Variants in STX2 observed in about 807,000 individuals in gnomAD.
STX2 encodes the protein syntaxin 2.
A neutral mutation model predicts 40.6 loss-of-function variants in STX2; 27 were observed. The observed-to-expected ratio is 0.66, with a 90% CI of 0.49 to 0.92. STX2 has a LOEUF of 0.92. Ranked by LOEUF, STX2 falls within the 40% of genes least tolerant of loss-of-function variation. The probability of loss-of-function intolerance (pLI) is 0.00; values close to 1 mark genes in which losing one functional copy is unlikely to be tolerated. For missense variants in STX2, 328 were observed against 366.1 expected (o/e 0.90, Z 0.85); for synonymous variants, 123 against 119.1 (o/e 1.03, Z -0.22).
At position 130,795,545 on chromosome 12, in the gene STX2, C is replaced by T. The variant is rs576875643; in HGVS notation, c.*45+450G>A. 7.2e-5 allele frequency among the ~76,000 whole-genome samples: 11 copies of T among 152,172 alleles called. No homozygotes were observed. In the East Asian group the frequency reaches 2.1e-3, roughly 29 times the overall value. On this transcript the variant is annotated intron_variant, in intron 10 of 10. Coordinates refer to ENST00000392373, the MANE Select transcript of STX2 (RefSeq NM_194356.4). ...GCCAGGAATTCGAGACCAGCCTGGG[C>T]AATACAGAGAGTTCTCGTCTCTACT...
intron 1 of STX2, among the ~76,000 whole-genome samples, chr12:130,832,570 G>A (rs1343710300): frequency 6.6e-6 from 1 of 152,094 alleles, no homozygotes; most frequent in Non-Finnish European, 1.5e-5. Flanking sequence ...CTAATCTTGA[G>A]CTACCAAGGG....
At chr12:130,829,552 C>G (rs1476034025) in intron 1 of STX2, among the ~76,000 whole-genome samples, 1 of 152,100 alleles carries the variant, frequency 6.6e-6, no homozygotes, top group East Asian at 1.9e-4. Context: ...GTCCCACAGA[C>G]TCCCCTTGCG....
chr12:130,819,774 T>G (rs1056925069), intron 3 of STX2, among the ~76,000 whole-genome samples: 1 of 152,236 alleles, frequency 6.6e-6, no homozygotes, highest in African/African-American at 2.4e-5. Flanking sequence ...CTAGGAAGCC[T>G]TCTCAGAGCC....
chr12:130,839,248 C>G lies in STX2; in HGVS notation c.-149G>C. ...CTGGAGCCGGCGCTGCCACGGCAAC[C>G]GCGCCCCGCGCGCTCTGCGCATGCC... is the stretch of plus-strand genomic sequence containing the variant. On this transcript the variant is annotated 5_prime_UTR_variant, in exon 1 of 11. Transcript: ENST00000392373. 1 of 584,272 alleles carries G rather than the reference C, an allele frequency of 1.7e-6. No homozygotes were observed. The highest frequency in any genetic ancestry group is 2.2e-6 in the Non-Finnish European group (1 of 458,122). 36.2% of individuals were successfully genotyped at this position (584,272 alleles called of 1,614,324 possible).
At chr12:130,815,156 G>C (rs1237679768) in intron 3 of STX2, among the ~76,000 whole-genome samples, 1 of 152,162 alleles carries the variant, frequency 6.6e-6, no homozygotes, top group Non-Finnish European at 1.5e-5. Context: ...AGACACAAAG[G>C]GGTCATTTCG....
At chr12:130,808,830 G>C in intron 4 of STX2, 126 bp from the exon 5 acceptor site, 1 of 805,380 alleles carries the variant, frequency 1.2e-6, no homozygotes, top group South Asian at 1.8e-5. Context: ...ATGAACAAGT[G>C]ACCTTCTAAA....
At chr12:130,801,648 TAAG>T (rs1279135864) in intron 6 of STX2, among the ~76,000 whole-genome samples, 160 bp from the exon 7 acceptor site, 6 of 152,190 alleles carry the variant, frequency 3.9e-5, no homozygotes, top group Non-Finnish European at 8.8e-5. Flanking sequence ...GAAGTGAACC[TAAG>T]ATTGAGGAGC....
intron 1 of STX2, 76 bp downstream of exon 1, chr12:130,838,994 G>GA: frequency 4.0e-6 from 2 of 495,406 alleles, no homozygotes; most frequent in Non-Finnish European, 5.7e-6. Context: ...CCCCGCCCAA[G>GA]ACGCCCCGAG....
At chr12:130,801,090 G>A in intron 8 of STX2, 63 bp downstream of exon 8, 1 of 1,538,126 alleles carries the variant, frequency 6.5e-7, no homozygotes, top group Non-Finnish European at 8.8e-7. Context: ...GACAGAGTGG[G>A]ATGCAGTAAG....
At chr12:130,837,876 G>A (rs545165887) in intron 1 of STX2, among the ~76,000 whole-genome samples, 1 of 152,170 alleles carries the variant, frequency 6.6e-6, no homozygotes, top group Non-Finnish European at 1.5e-5. Flanking sequence ...AAAAATCACC[G>A]TGAAGAAACT....
At chr12:130,807,417 G>A (rs531636012) in intron 5 of STX2, among the ~76,000 whole-genome samples, 187 of 150,688 alleles carry the variant, frequency 1.2e-3, no homozygotes, top group African/African-American at 4.3e-3. Flanking sequence ...CAGAGCCCGC[G>A]TGCTTCATCG....
chr12:130,825,248 G>A (rs1952259349), intron 2 of STX2, among the ~76,000 whole-genome samples: 1 of 152,122 alleles, frequency 6.6e-6, no homozygotes, highest in African/African-American at 2.4e-5. Flanking sequence ...CATTGGCCTG[G>A]CTGGTCTGGA....
intron 1 of STX2, among the ~76,000 whole-genome samples, chr12:130,828,898 A>G (rs1240336753): frequency 6.6e-6 from 1 of 151,692 alleles, no homozygotes; most frequent in East Asian, 1.9e-4. Context: ...AAAAGAAAAG[A>G]CAAAATGGCA....
intron 1 of STX2, among the ~76,000 whole-genome samples, chr12:130,838,142 A>G (rs553619457): frequency 1.3e-5 from 2 of 152,258 alleles, no homozygotes; most frequent in South Asian, 4.2e-4. Flanking sequence ...CAATTTAGAG[A>G]CCAGAGGCTC....
intron 1 of STX2, among the ~76,000 whole-genome samples, chr12:130,828,867 CA>C (rs71451381): frequency 4.9e-4 from 59 of 121,570 alleles, no homozygotes; most frequent in Middle Eastern, 4.4e-3. Context: ...GACTCTGTCT[CA>C]AAAAAAAAAA....
chr12:130,816,253 C>T (rs921597640), intron 3 of STX2, among the ~76,000 whole-genome samples: 2 of 152,222 alleles, frequency 1.3e-5, no homozygotes, highest in Admixed American at 6.5e-5. Flanking sequence ...CCACAGAAAC[C>T]ACAAGATCTG....
chr12:130,836,769 T>C (rs1952767472), intron 1 of STX2, among the ~76,000 whole-genome samples: 2 of 152,188 alleles, frequency 1.3e-5, no homozygotes, highest in Non-Finnish European at 2.9e-5. Flanking sequence ...AGAAAAAGTT[T>C]TGAGAGATTT....
Position 130,791,671 on chromosome 12 carries a change from C to T in STX2, c.*352G>A. ...CCAGTGAGAGAAGTCTCACACTGCT[C>T]ACATTCTGTAGTGTGTCATTCAGGG... On this transcript the variant is annotated 3_prime_UTR_variant, in exon 11 of 11. Transcript: ENST00000392373. 7 of 437,828 alleles carry T rather than the reference C, an allele frequency of 1.6e-5. No homozygotes were observed. Among genetic ancestry groups the T allele is most frequent in the Non-Finnish European group, 2.4e-5 (6 of 248,296 alleles). 27.1% of individuals were successfully genotyped at this position (437,828 alleles called of 1,614,324 possible). A position where few individuals can be genotyped will look rare whatever the true frequency, so the allele number is the denominator to read the frequency against.
intron 5 of STX2, among the ~76,000 whole-genome samples, chr12:130,807,334 G>A (rs1951474022): frequency 6.6e-6 from 1 of 152,212 alleles, no homozygotes. Context: ...CCATGACTTT[G>A]AGGTCATTAG....
Sources: gnomAD v4.1 joint callset for allele counts (sites outside exome capture counted in the v4.1 genomes callset) on GRCh38, gnomAD v4.1.1 for gene constraint, MANE v1.5 for transcripts, NCBI Gene and HGNC (gene_info 2026-07-23, HGNC 2026-07-21) for gene names.